Variants in PROM1 observed in about 807,000 individuals in gnomAD.
PROM1 encodes prominin-1.
Under a neutral mutation model 116.9 loss-of-function variants are expected in PROM1, and 105 were observed. That is an observed-to-expected ratio of 0.90 (90% CI 0.77 to 1.06). The LOEUF (loss-of-function observed/expected upper bound fraction) is 1.06. PROM1 is among the 50% of genes least tolerant of loss of function. The pLI is 0.00. For synonymous variants in PROM1, 393 were observed against 387.0 expected (o/e 1.02, Z -0.18); for missense variants, 1,122 against 1,045.2 (o/e 1.07, Z -1.01).
In PROM1 at chr4:16,018,424, A is replaced by T; in HGVS notation, c.901T>A (p.Ser301Thr). 3 of 1,613,886 alleles carry T rather than the reference A, an allele frequency of 1.9e-6. No individual in the cohort carries two copies. The highest frequency in any genetic ancestry group is 2.5e-6 in the Non-Finnish European group (3 of 1,179,898). ...LTSVKTSLRS[S>T]LNDPLCLVHP... ...ACCAAGCACAGAGGGTCATTGAGAG[A>T]TGACCGCAGGCTAGTTTTCACGCTG... The change falls in exon 9 of 28, where the codon TCT (serine) becomes ACT (threonine). Residue 301 changes from serine to threonine, a missense_variant. Physicochemically the swap from Ser to Thr is moderately conservative, Grantham distance 58. Coordinates refer to ENST00000447510, the MANE Select transcript of PROM1 (RefSeq NM_006017.3).
rs144507593 is a variant in PROM1 at position 16,016,316 on chromosome 4, G to A, written c.1003-76C>T. 5.8e-4 allele frequency: 689 copies of A among 1,196,774 alleles called. 3 individuals are homozygous for A. The African/African-American group carries it at 9.4e-3, about 16-fold the overall frequency. 74.1% of individuals were successfully genotyped at this position (1,196,774 alleles called of 1,614,324 possible). A position where few individuals can be genotyped will look rare whatever the true frequency, so the allele number is the denominator to read the frequency against. On this transcript the variant is annotated intron_variant, in intron 9 of 27. Transcript: ENST00000447510. Reference sequence around the variant, plus strand: ...ATTCCTCATGAAGAAAGAAGTCATTGTATATTCCAAGTCCCAAAGCATCTA... The same window carrying A: ...ATTCCTCATGAAGAAAGAAGTCATTATATATTCCAAGTCCCAAAGCATCTA...
chr4:16,005,822 C>A (rs1180278705), intron 13 of PROM1, among the ~76,000 whole-genome samples: 2 of 152,212 alleles, frequency 1.3e-5, no homozygotes, highest in African/African-American at 4.8e-5. Context: ...CCCTGCAGAG[C>A]ATTCAAAGCC....
At position 15,978,277 on chromosome 4, in the gene PROM1, T is replaced by C. The variant is rs138957588; in HGVS notation, c.2582+1118A>G. Among the ~76,000 whole-genome samples, 587 of 152,314 alleles carry C rather than the reference T, an allele frequency of 3.9e-3. 4 individuals are homozygous for C. The highest frequency in any genetic ancestry group is 0.013 in the African/African-American group (539 of 41,574). Reference sequence around the variant, plus strand: ...CTCAGTTAACTTCTCTTCCCCTAAATGGAAAATCATAATGAAAAGTTCTGA... The same window carrying C: ...CTCAGTTAACTTCTCTTCCCCTAAACGGAAAATCATAATGAAAAGTTCTGA... On this transcript the variant is annotated intron_variant, in intron 26 of 27. Coordinates refer to ENST00000447510, the MANE Select transcript of PROM1 (RefSeq NM_006017.3).
In PROM1 at chr4:16,013,720, AGTTGTGGGGT is replaced by A. The variant is rs548479171; in HGVS notation, c.1078-392_1078-383del. 3.9e-3 allele frequency among the ~76,000 whole-genome samples: 600 copies of A among 152,160 alleles called. 1 individual carries two copies. The highest frequency in any genetic ancestry group is 0.011 in the South Asian group (51 of 4,814). ...AGTCTGGAGACATTTTGGTTATCAC[AGTTGTGGGGT>A]GCTGCTGGGATTGTGTGGGGAGATG... On this transcript the variant is annotated intron_variant, in intron 10 of 27. Transcript: ENST00000447510.
intron 3 of PROM1, among the ~76,000 whole-genome samples, chr4:16,036,469 T>A (rs1274808447): frequency 3.3e-5 from 5 of 152,182 alleles, no homozygotes. Context: ...TATACCTGCC[T>A]CTGGGGTCAC....
chr4:16,049,254 T>C (rs971929897), intron 2 of PROM1, among the ~76,000 whole-genome samples: 2 of 152,232 alleles, frequency 1.3e-5, no homozygotes, highest in East Asian at 3.8e-4. Context: ...GGAATGTTAT[T>C]TGAATCTGTG....
At chr4:16,012,412 C>A (rs1472454005) in intron 11 of PROM1, among the ~76,000 whole-genome samples, 1 of 152,218 alleles carries the variant, frequency 6.6e-6, no homozygotes, top group Non-Finnish European at 1.5e-5. Flanking sequence ...AACCCAAATA[C>A]AGCATGATTC....
At chr4:16,083,040 A>C (rs904889643) in intron 1 of PROM1, among the ~76,000 whole-genome samples, 7 of 151,858 alleles carry the variant, frequency 4.6e-5, no homozygotes, top group Non-Finnish European at 1.0e-4. Flanking sequence ...CCAGGGGTGC[A>C]TGCTTTCTCC....
chr4:16,064,553 C>G (rs1044831722), intron 2 of PROM1, among the ~76,000 whole-genome samples: 3 of 152,164 alleles, frequency 2.0e-5, no homozygotes, highest in African/African-American at 7.2e-5. Flanking sequence ...AGTCATCAAG[C>G]TGTAAGCTTA....
At chr4:16,039,943 T>C (rs191142826) in intron 2 of PROM1, among the ~76,000 whole-genome samples, 10 of 152,142 alleles carry the variant, frequency 6.6e-5, no homozygotes, top group Admixed American at 6.5e-4. Flanking sequence ...AACTGAGACA[T>C]GGACAGAGAG....
intron 12 of PROM1, 91 bp from the exon 13 acceptor site, chr4:16,006,781 T>A: frequency 7.8e-7 from 1 of 1,285,756 alleles, no homozygotes; most frequent in Non-Finnish European, 1.1e-6. Context: ...GCCGATGAGT[T>A]ATTCTTGGCT....
chr4:15,977,712 C>T (rs1421934069), intron 26 of PROM1, among the ~76,000 whole-genome samples: 2 of 152,304 alleles, frequency 1.3e-5, no homozygotes, highest in Non-Finnish European at 2.9e-5. Context: ...GATTCTCCTG[C>T]CTCAGCCTCC....
At chr4:16,062,493 C>T (rs1323250964) in intron 2 of PROM1, among the ~76,000 whole-genome samples, 1 of 152,146 alleles carries the variant, frequency 6.6e-6, no homozygotes, top group Non-Finnish European at 1.5e-5. Context: ...AAACCTAAGT[C>T]AAATGTCCTA....
intron 6 of PROM1, among the ~76,000 whole-genome samples, chr4:16,024,739 TTG>T (rs1730810237): frequency 2.0e-5 from 3 of 152,108 alleles, no homozygotes; most frequent in Non-Finnish European, 4.4e-5. Context: ...TAGAGACTGC[TTG>T]TGTGTCCTTC....
intron 2 of PROM1, among the ~76,000 whole-genome samples, chr4:16,070,400 T>C (rs973234881): frequency 2.0e-5 from 3 of 152,176 alleles, no homozygotes; most frequent in Non-Finnish European, 4.4e-5. Flanking sequence ...GACTTTGTTA[T>C]TATGATGCAA....
chr4:16,018,373 T>C lies in PROM1; in HGVS notation c.952A>G (p.Ser318Gly). The change falls in exon 9 of 28, where the codon AGC becomes GGC. Residue 318 changes from serine to glycine, a missense_variant. Physicochemically the swap from Ser to Gly is moderately conservative, Grantham distance 56. Transcript: ENST00000447510. ...AGCTGGCTTAGAGACAATCTGATGCTGTTGCAGGTTTCACTTGATGGATGC... is the reference window on the plus strand; with the variant it reads ...AGCTGGCTTAGAGACAATCTGATGCCGTTGCAGGTTTCACTTGATGGATGC... Reference protein sequence around the residue: ...LVHPSSETCNSIRLSLSQLNS... With the variant: ...LVHPSSETCNGIRLSLSQLNS... 6.2e-7 allele frequency: 1 copy of C among 1,613,766 alleles called. No homozygotes were observed. Among genetic ancestry groups the C allele is most frequent in the Non-Finnish European group, 8.5e-7 (1 of 1,179,894 alleles).
Position 16,075,859 on chromosome 4 carries a change from G to A in PROM1, c.48C>T (p.Asn16=). The change falls in exon 2 of 28, where the codon AAC becomes AAT. Residue 16 remains asparagine, a synonymous_variant. Coordinates refer to ENST00000447510, the MANE Select transcript of PROM1 (RefSeq NM_006017.3). ...ATGAAGGCTGCCCTCCTGAAAAGGA[G>A]TTCCCGCACAGCCCCAGCAGCAACA... ...GSLLLLGLCG[N]SFSGGQPSST... is the part of the protein sequence containing the mutation. The A allele has an allele frequency of 1.2e-6, 2 of 1,613,688 alleles. No homozygotes were observed. Among genetic ancestry groups the A allele is most frequent in the Non-Finnish European group, 1.7e-6 (2 of 1,179,812 alleles).
At chr4:15,996,199 AT>A (rs1170469181) in intron 15 of PROM1, among the ~76,000 whole-genome samples, 1 of 152,202 alleles carries the variant, frequency 6.6e-6, no homozygotes, top group Non-Finnish European at 1.5e-5. Flanking sequence ...TTAGCATAAT[AT>A]TTATTAGGTA....
In PROM1 at chr4:16,024,311, C is replaced by T. The variant is rs187116049; in HGVS notation, c.678G>A (p.Ala226=). The T allele has an allele frequency of 1.8e-4, 294 of 1,613,510 alleles. 1 individual carries two copies. In the East Asian group the frequency reaches 3.5e-3, roughly 19 times the overall value. The part of the protein sequence containing the change: ...LAQYNTTKDK[A]FTDLNSINSV... ...TTTACTCACTGTTCAGATCTGTGAA[C>T]GCCTTGTCCTTGGTAGTGTTGTACT... is the stretch of plus-strand genomic sequence containing the variant. Residue 226 remains alanine (A), a synonymous_variant, in exon 7 of 28, where the codon GCG becomes GCA. Coordinates refer to ENST00000447510, the MANE Select transcript of PROM1 (RefSeq NM_006017.3).
Sources: allele counts gnomAD v4.1 joint callset (sites outside exome capture counted in the v4.1 genomes callset), GRCh38; gene constraint gnomAD v4.1.1; transcripts MANE v1.5; gene names NCBI Gene and HGNC (gene_info 2026-07-23, HGNC 2026-07-21).